UBASH3B: variants seen among roughly 807,000 people sequenced by gnomAD.
UBASH3B encodes the protein ubiquitin associated and SH3 domain containing B.
Under a neutral mutation model 83.4 loss-of-function variants are expected in UBASH3B, and 37 were observed. The ratio of observed to expected loss-of-function variants is 0.44; its 90% confidence interval spans 0.34 to 0.58. The LOEUF (loss-of-function observed/expected upper bound fraction) is 0.58, where lower values mean the gene tolerates loss of function less well. UBASH3B is among the 20% of genes least tolerant of loss of function. The pLI is 0.01. For synonymous variants in UBASH3B, 304 were observed against 318.3 expected (o/e 0.96, Z 0.48); for missense variants, 657 against 827.2 (o/e 0.79, Z 2.52).
rs778760913 is a variant in UBASH3B, at chr11:122,796,409, C to T, written c.1234+133C>T. 6.7e-5 allele frequency: 91 copies of T among 1,363,014 alleles called. No homozygotes were observed. In the Middle Eastern group the frequency reaches 7.9e-4, roughly 12 times the overall value. The allele number at this position is 1,363,014 out of a possible 1,614,324, so 84.4% of individuals were successfully genotyped here. On this transcript the variant is annotated intron_variant, in intron 8 of 13. Transcript: ENST00000284273. ...ATAGAAGATGTCTGTCATGTGTAAG[C>T]CCCTCCTGATTGTCTTGAGCTTTAG...
rs187720765 is a variant in UBASH3B, at chr11:122,657,759, G to A, written c.161+1549G>A. On this transcript the variant is annotated intron_variant, in intron 1 of 13. Coordinates refer to ENST00000284273, the MANE Select transcript of UBASH3B (RefSeq NM_032873.5). Reference sequence around the variant, plus strand: ...CTGCCTTCCACTGACGTCCCAATACGACTTCCTAATACTAGGGCTCCAGTT... The same window carrying A: ...CTGCCTTCCACTGACGTCCCAATACAACTTCCTAATACTAGGGCTCCAGTT... Among the ~76,000 whole-genome samples the A allele has an allele frequency of 1.4e-4, 22 of 152,230 alleles. No homozygotes were observed. The East Asian group carries it at 4.0e-3, about 28-fold the overall frequency.
chr11:122,785,520 T>C (rs895464146), intron 5 of UBASH3B, among the ~76,000 whole-genome samples: 6 of 152,196 alleles, frequency 3.9e-5, no homozygotes, highest in Non-Finnish European at 8.8e-5. Context: ...TCTCACTCGA[T>C]TTGGACACGC....
chr11:122,779,377 G>A (rs1860806169), intron 3 of UBASH3B, 120 bp from the exon 4 acceptor site: 1 of 1,043,352 alleles, frequency 9.6e-7, no homozygotes, highest in Non-Finnish European at 1.5e-6. Flanking sequence ...CAGGGGTAGT[G>A]GTTAAGTAAT....
At chr11:122,717,998 C>T (rs952937093) in intron 1 of UBASH3B, among the ~76,000 whole-genome samples, 5 of 151,830 alleles carry the variant, frequency 3.3e-5, no homozygotes, top group African/African-American at 9.7e-5. Flanking sequence ...CTTGGCTCAC[C>T]GTAACCTTCG....
At chr11:122,792,442 C>G (rs1861074267) in intron 6 of UBASH3B, among the ~76,000 whole-genome samples, 1 of 152,036 alleles carries the variant, frequency 6.6e-6, no homozygotes, top group South Asian at 2.1e-4. Context: ...CCTCAGCCCC[C>G]CGAGTAGCCA....
At chr11:122,736,816 G>A (rs1489966094) in intron 1 of UBASH3B, among the ~76,000 whole-genome samples, 4 of 152,156 alleles carry the variant, frequency 2.6e-5, no homozygotes, top group African/African-American at 7.2e-5. Flanking sequence ...TTGGGAGGCT[G>A]AGGAGAGAGG....
chr11:122,799,455 C>T (rs1322082105), intron 10 of UBASH3B, among the ~76,000 whole-genome samples: 1 of 151,160 alleles, frequency 6.6e-6, no homozygotes, highest in African/African-American at 2.4e-5. Context: ...CCATTGCACT[C>T]CAGCCTGGGC....
intron 1 of UBASH3B, among the ~76,000 whole-genome samples, chr11:122,771,879 C>T (rs897568654): frequency 3.3e-5 from 5 of 152,146 alleles, no homozygotes; most frequent in African/African-American, 1.2e-4. Context: ...ACAACTGCCC[C>T]AGCCTTAGGA....
intron 1 of UBASH3B, among the ~76,000 whole-genome samples, chr11:122,737,932 A>G (rs907760974): frequency 2.0e-5 from 3 of 152,208 alleles, no homozygotes; most frequent in African/African-American, 7.2e-5. Context: ...GAAAGACTGG[A>G]CAGATTCCTG....
intron 1 of UBASH3B, among the ~76,000 whole-genome samples, chr11:122,732,869 C>G (rs949758000): frequency 6.6e-6 from 1 of 152,238 alleles, no homozygotes; most frequent in African/African-American, 2.4e-5. Flanking sequence ...AATAGCTCCT[C>G]CTATTCAAAT....
rs551161737 is a variant in UBASH3B, at chr11:122,810,069, A to G, written c.*183A>G. ...ATGAGAGAAAGACTTGATTCAGAGG[A>G]AAAAAATGTGTTCTCTCTGGACTCT... On this transcript the variant is annotated 3_prime_UTR_variant, in exon 14 of 14. Transcript: ENST00000284273. 53 of 689,288 alleles carry G rather than the reference A, an allele frequency of 7.7e-5. No homozygotes were observed. The Admixed American group carries it at 9.8e-4, about 13-fold the overall frequency. 42.7% of individuals were successfully genotyped at this position (689,288 alleles called of 1,614,324 possible).
chr11:122,745,325 C>T (rs866451154), intron 1 of UBASH3B, among the ~76,000 whole-genome samples: 1 of 152,224 alleles, frequency 6.6e-6, no homozygotes, highest in Non-Finnish European at 1.5e-5. Context: ...TAGCACAGTT[C>T]CTGGTAGCTG....
chr11:122,811,780 T>C lies in UBASH3B; in HGVS notation c.*1894T>C, dbSNP rs955354634. Reference sequence around the variant, plus strand: ...TGTGATGATGTGTTAATATAAAATGTTGGGAGGGAATATTCCCAATAAAGG... The same window carrying C: ...TGTGATGATGTGTTAATATAAAATGCTGGGAGGGAATATTCCCAATAAAGG... On this transcript the variant is annotated 3_prime_UTR_variant, in exon 14 of 14. Transcript: ENST00000284273. 2.0e-5 allele frequency: 3 copies of C among 152,192 alleles called. No homozygotes were observed. The highest frequency in any genetic ancestry group is 7.2e-5 in the African/African-American group (3 of 41,432). The allele number at this position is 152,192 out of a possible 1,614,324, so 9.4% of individuals were successfully genotyped here.
chr11:122,788,993 G>A (rs1364258287), intron 5 of UBASH3B, 107 bp from the exon 6 acceptor site: 16 of 1,027,112 alleles, frequency 1.6e-5, no homozygotes, highest in South Asian at 8.9e-5. Context: ...TGGGCACATC[G>A]CCCTCTGGAG....
chr11:122,663,635 C>T (rs1177931917), intron 1 of UBASH3B, among the ~76,000 whole-genome samples: 1 of 152,230 alleles, frequency 6.6e-6, no homozygotes, highest in Non-Finnish European at 1.5e-5. Context: ...GGTACTATCA[C>T]TGCCTCCCCA....
At chr11:122,684,806 C>G (rs763086606) in intron 1 of UBASH3B, among the ~76,000 whole-genome samples, 1 of 152,162 alleles carries the variant, frequency 6.6e-6, no homozygotes, top group Admixed American at 6.5e-5. Context: ...CCATGTTGGT[C>G]AGGCTGGTCT....
At position 122,777,147 on chromosome 11, in the gene UBASH3B, G is replaced by T. The variant is rs748177271; in HGVS notation, c.339G>T (p.Gln113His). 1 of 1,614,110 alleles carries T rather than the reference G, an allele frequency of 6.2e-7. No homozygotes were observed. The highest frequency in any genetic ancestry group is 8.5e-7 in the Non-Finnish European group (1 of 1,179,994). ...CCGACTTTTGGCAGCAGTCGAAGCA[G>T]ATCTGCGGGAAGAACAAGGCACACA... ...KLSDFWQQSK[Q>H]ICGKNKAHNI... The change falls in exon 3 of 14, where the codon CAG becomes CAT. Residue 113 changes from glutamine (Q) to histidine (H), a missense_variant. Physicochemically the swap from Gln to His is conservative, Grantham distance 24. Transcript: ENST00000284273.
chr11:122,755,718 C>A (rs1308862602), intron 1 of UBASH3B, among the ~76,000 whole-genome samples: 1 of 152,114 alleles, frequency 6.6e-6, no homozygotes, highest in Non-Finnish European at 1.5e-5. Flanking sequence ...GGACAGAAGT[C>A]AAATTAGGCT....
In UBASH3B at chr11:122,655,776, G is replaced by A. The variant is rs1322505023; in HGVS notation, c.-274G>A. The stretch of plus-strand genomic sequence containing the variant: ...AGAGGGAAGGGGGCGGAGGAGACAG[G>A]GCTACTGCAGGCGCAGAGCTGGGGG... On this transcript the variant is annotated 5_prime_UTR_variant, in exon 1 of 14. Transcript: ENST00000284273. 7.5e-6 allele frequency: 3 copies of A among 401,586 alleles called. No homozygotes were observed. Among genetic ancestry groups the A allele is most frequent in the Non-Finnish European group, 1.3e-5 (3 of 225,348 alleles). 24.9% of individuals were successfully genotyped at this position (401,586 alleles called of 1,614,324 possible). A position where few individuals can be genotyped will look rare whatever the true frequency, so the allele number is the denominator to read the frequency against.
Sources: gnomAD v4.1 joint callset for allele counts (sites outside exome capture counted in the v4.1 genomes callset) on GRCh38, gnomAD v4.1.1 for gene constraint, MANE v1.5 for transcripts, NCBI Gene and HGNC (gene_info 2026-07-23, HGNC 2026-07-21) for gene names.